The following DCTN2 variants were observed in gnomAD, a reference collection of about 807,000 sequenced individuals.
The protein encoded by DCTN2 is 50 kDa dynein-associated polypeptide.
In DCTN2, 18 loss-of-function variants were observed where a neutral mutation model predicts 55.4. The ratio of observed to expected loss-of-function variants is 0.32; its 90% CI spans 0.22 to 0.48. DCTN2 has a LOEUF of 0.48. Among genes scored for constraint, DCTN2 ranks in the 20% least tolerant of loss-of-function variants. The pLI is 0.99. For missense variants in DCTN2, 390 were observed against 491.0 expected, an observed-to-expected ratio of 0.79 and a Z score of 1.94; for synonymous variants, 168 against 185.2, an observed-to-expected ratio of 0.91 and a Z score of 0.76.
At chr12:57,541,254 C>G (rs1388318649) in intron 2 of DCTN2, 2 of 1,330,804 alleles carry the variant, frequency 1.5e-6, no homozygotes, top group Non-Finnish European at 2.1e-6. Flanking sequence ...CAGCCAGGGA[C>G]TCACTGGAAT....
Position 57,532,985 on chromosome 12 carries a change from A to G in DCTN2, c.773T>C (p.Met258Thr), listed in dbSNP as rs200604619. Residue 258 changes from methionine (M) to threonine (T), a missense_variant and splice_region_variant, in exon 9 of 14, where the codon ATG becomes ACG. Physicochemically the swap from Met to Thr is moderately conservative, Grantham distance 81. Around this residue, in one of 2 missense-constraint regions of DCTN2, gnomAD observed 273 missense variants for 303.2 expected, o/e 0.90. Coordinates refer to ENST00000548249, the MANE Select transcript of DCTN2 (RefSeq NM_001261413.2). The part of the protein sequence containing the change: ...LSAGLQGACL[M>T]ETVELLQAKV... ...CACTCCAGTTTCTTCCAAACTCACC[A>G]TGAGACAGGCTCCCTGTAGACCTGC... The G allele has an allele frequency of 2.2e-4, 358 of 1,603,600 alleles. No homozygotes were observed. The highest frequency in any genetic ancestry group is 1.4e-3 in the East Asian group (61 of 44,762).
At chr12:57,539,344 G>A (rs1008883991) in intron 2 of DCTN2, among the ~76,000 whole-genome samples, 2 of 152,208 alleles carry the variant, frequency 1.3e-5, no homozygotes, top group African/African-American at 2.4e-5. Flanking sequence ...CTTACACAGA[G>A]GGTCCAGGGG....
rs1451548587 is a variant in DCTN2 at position 57,534,111 on chromosome 12, C to T, written c.525-14G>A. ...AGTAGTAGGCGCCTAGTTAGGAGAC[C>T]GAGTAATAATATCATGACTGGAAGG... On this transcript the variant is annotated splice_polypyrimidine_tract_variant and intron_variant, in intron 6 of 13. Coordinates refer to ENST00000548249, the MANE Select transcript of DCTN2 (RefSeq NM_001261413.2). The T allele has an allele frequency of 2.5e-6, 4 of 1,578,840 alleles. No individual in the cohort carries two copies. Among genetic ancestry groups the T allele is most frequent in the Non-Finnish European group, 3.4e-6 (4 of 1,162,712 alleles).
At chr12:57,537,114 C>A (rs1217188273) in intron 2 of DCTN2, among the ~76,000 whole-genome samples, 1 of 150,834 alleles carries the variant, frequency 6.6e-6, no homozygotes, top group Non-Finnish European at 1.5e-5. Context: ...TCGGCCAAGG[C>A]GGGTGGATCT....
At chr12:57,539,800 G>C (rs546193106) in intron 2 of DCTN2, among the ~76,000 whole-genome samples, 18 of 152,290 alleles carry the variant, frequency 1.2e-4, no homozygotes, top group Middle Eastern at 3.4e-3. Context: ...GGCGAGGTGG[G>C]TGGATCACTT....
chr12:57,546,988 G>T, intron 1 of DCTN2, 40 bp downstream of exon 1: 3 of 1,278,628 alleles, frequency 2.3e-6, no homozygotes, highest in Non-Finnish European at 3.0e-6. Flanking sequence ...GGGAGGTCGG[G>T]GGCGCGGTCC....
rs1311505709 is a variant in DCTN2, at chr12:57,538,406, G to A, written c.106-2561C>T. 8 of 697,956 alleles carry A rather than the reference G, an allele frequency of 1.1e-5. No homozygotes were observed. In the African/African-American group the frequency reaches 1.2e-4, roughly 11 times the overall value. The allele number at this position is 697,956 out of a possible 1,614,324, so 43.2% of individuals were successfully genotyped here. ...TGACTTGTGAGATAGGAAAAGGCTG[G>A]GTGTGGGACTGAATAGATGAATGAA... On this transcript the variant is annotated intron_variant, in intron 2 of 13. Coordinates refer to ENST00000548249, the MANE Select transcript of DCTN2 (RefSeq NM_001261413.2).
At chr12:57,541,394 G>A (rs1273074763) in intron 2 of DCTN2, 3 of 1,599,306 alleles carry the variant, frequency 1.9e-6, no homozygotes, top group Non-Finnish European at 2.5e-6. Context: ...GCAAGGTGGT[G>A]AGGAGGGAGG....
intron 1 of DCTN2, among the ~76,000 whole-genome samples, chr12:57,546,450 G>A (rs936970404): frequency 6.6e-6 from 1 of 152,118 alleles, no homozygotes; most frequent in Non-Finnish European, 1.5e-5. Flanking sequence ...AGGATTGAGA[G>A]TGACTCAGGA....
intron 2 of DCTN2, chr12:57,541,324 TGAAAAAAACATGCAGA>T: frequency 6.3e-7 from 1 of 1,595,216 alleles, no homozygotes; most frequent in South Asian, 1.1e-5. Flanking sequence ...AGATGGCAGA[TGAAAAAAACATGCAGA>T]GAAGAAGCAT....
chr12:57,543,272 C>T (rs1361606331), intron 2 of DCTN2: 1 of 333,494 alleles, frequency 3.0e-6, no homozygotes, highest in Non-Finnish European at 5.9e-6. Flanking sequence ...TGGCGTGAAC[C>T]CGGGAGGTGG....
chr12:57,531,883 A>G, intron 13 of DCTN2, 132 bp downstream of exon 13: 1 of 1,288,708 alleles, frequency 7.8e-7, no homozygotes, highest in Non-Finnish European at 1.1e-6. Context: ...TGAAAGCAGG[A>G]TGGAGACTCC....
chr12:57,546,283 G>T (rs1427241291), intron 1 of DCTN2, among the ~76,000 whole-genome samples, 187 bp from the exon 2 acceptor site: 1 of 152,174 alleles, frequency 6.6e-6, no homozygotes, highest in Non-Finnish European at 1.5e-5. Context: ...AGGGATGACA[G>T]CGGAAACAAT....
intron 2 of DCTN2, among the ~76,000 whole-genome samples, chr12:57,538,992 AG>A (rs1277162867): frequency 6.6e-6 from 1 of 152,204 alleles, no homozygotes; most frequent in Non-Finnish European, 1.5e-5. Context: ...TCAGGAGAGG[AG>A]TTCCCCTTCT....
chr12:57,536,389 G>C (rs1338122241), intron 2 of DCTN2, among the ~76,000 whole-genome samples: 2 of 152,230 alleles, frequency 1.3e-5, no homozygotes, highest in Non-Finnish European at 2.9e-5. Flanking sequence ...CCGACAGAGG[G>C]CCTGACCAGA....
rs11356561 is a variant in DCTN2, at chr12:57,544,395, GTT to G, written c.105+1631_105+1632del. Reference sequence around the variant, plus strand: ...TTGTTATATTGTATTTTTAAATTTTGTTTTTTTTTTTATTGTTGTACTGGTTT... The same window carrying G: ...TTGTTATATTGTATTTTTAAATTTTGTTTTTTTTTATTGTTGTACTGGTTT... On this transcript the variant is annotated intron_variant, in intron 2 of 13. Coordinates refer to ENST00000548249, the MANE Select transcript of DCTN2 (RefSeq NM_001261413.2). Among the ~76,000 whole-genome samples the G allele has an allele frequency of 4.0e-3, 576 of 145,634 alleles. 7 individuals are homozygous for G. Among genetic ancestry groups the G allele is most frequent in the East Asian group, 0.037 (185 of 5,048 alleles).
rs535148561 is a variant in DCTN2, at chr12:57,532,532, T to G, written c.924+40A>C. On this transcript the variant is annotated intron_variant, in intron 11 of 13. Transcript: ENST00000548249. ...CTTTGACACTGCCACTCGGAGAACC[T>G]GAGGGAGTGGAAAGGAGATGGGGAA... The G allele has an allele frequency of 1.4e-5, 23 of 1,603,318 alleles. No homozygotes were observed. The South Asian group carries it at 2.3e-4, about 16-fold the overall frequency.
chr12:57,533,301 G>C lies in DCTN2; in HGVS notation c.672C>G (p.Val224=). 1 of 1,613,858 alleles carries C rather than the reference G, an allele frequency of 6.2e-7. No individual in the cohort carries two copies. Among genetic ancestry groups the C allele is most frequent in the Non-Finnish European group, 8.5e-7 (1 of 1,179,844 alleles). Residue 224 remains valine (V), a splice_region_variant and synonymous_variant, in exon 8 of 14, where the codon GTC becomes GTG. Coordinates refer to ENST00000548249, the MANE Select transcript of DCTN2 (RefSeq NM_001261413.2). ...EQDKFSQAAK[V]AELEKRLTEL... is the part of the protein sequence containing the mutation. Reference sequence around the variant, plus strand: ...CTGTCAGGCGCTTTTCAAGTTCTGCGACCTAGTGGGAGGAAGGAGGTGAGA... The same window carrying C: ...CTGTCAGGCGCTTTTCAAGTTCTGCCACCTAGTGGGAGGAAGGAGGTGAGA...
rs1208446472 is a variant in DCTN2 at position 57,530,463 on chromosome 12, C to G, written c.*226G>C. ...CATGTGGCTGGGCCCACGTCCTTAT[C>G]CCCCAGGCCTGAGGGGAGACCACCT... On this transcript the variant is annotated 3_prime_UTR_variant, in exon 14 of 14. Transcript: ENST00000548249. 1 of 474,206 alleles carries G rather than the reference C, an allele frequency of 2.1e-6. No individual in the cohort carries two copies. Among genetic ancestry groups the G allele is most frequent in the East Asian group, 3.2e-5 (1 of 31,428 alleles). 29.4% of individuals were successfully genotyped at this position (474,206 alleles called of 1,614,324 possible). A position where few individuals can be genotyped will look rare whatever the true frequency, so the allele number is the denominator to read the frequency against.
Sources: allele counts gnomAD v4.1 joint callset (sites outside exome capture counted in the v4.1 genomes callset), GRCh38; gene constraint gnomAD v4.1.1; regional missense constraint gnomAD v4.1.1; transcripts MANE v1.5; gene names NCBI Gene and HGNC (gene_info 2026-07-23, HGNC 2026-07-21).